The following ODAD2 variants were observed in gnomAD, a reference collection of about 807,000 sequenced individuals.
ODAD2 encodes the protein outer dynein arm docking complex subunit 2.
In ODAD2, 89 loss-of-function variants were observed where a neutral mutation model predicts 106.8. The observed-to-expected ratio is 0.83, with a 90% CI of 0.70 to 0.99. The LOEUF is 0.99. Among genes scored for constraint, ODAD2 ranks in the 50% least tolerant of loss-of-function variants. The pLI, the probability that ODAD2 is intolerant of heterozygous loss-of-function variation, is 0.00. For synonymous variants in ODAD2, 404 were observed against 436.2 expected (o/e 0.93, Z 0.92); for missense variants, 1,168 against 1,238.5 (o/e 0.94, Z 0.85).
intron 16 of ODAD2, among the ~76,000 whole-genome samples, chr10:27,909,271 C>T (rs147760669): frequency 6.6e-6 from 1 of 152,034 alleles, no homozygotes; most frequent in Non-Finnish European, 1.5e-5. Flanking sequence ...ACAGAAATAA[C>T]TTGTCATTGC....
chr10:27,976,181 G>A (rs1471791690), intron 7 of ODAD2, among the ~76,000 whole-genome samples: 1 of 151,934 alleles, frequency 6.6e-6, no homozygotes, highest in Non-Finnish European at 1.5e-5. Flanking sequence ...AGATTTCCCT[G>A]TAATATCAGG....
chr10:27,905,867 C>G (rs1399358271), intron 17 of ODAD2, among the ~76,000 whole-genome samples: 1 of 152,108 alleles, frequency 6.6e-6, no homozygotes, highest in Non-Finnish European at 1.5e-5. Flanking sequence ...AAAATTAACT[C>G]AAGATGGATT....
chr10:27,825,688 A>AACAGGT (rs1301780204), intron 19 of ODAD2, among the ~76,000 whole-genome samples: 2 of 152,246 alleles, frequency 1.3e-5, no homozygotes, highest in African/African-American at 4.8e-5. Context: ...GGATAGGGAC[A>AACAGGT]ACAGGTACAG....
chr10:27,951,186 T>C (rs2132706084), intron 10 of ODAD2, among the ~76,000 whole-genome samples: 1 of 152,324 alleles, frequency 6.6e-6, no homozygotes, highest in East Asian at 1.9e-4. Flanking sequence ...AATTGCAGTT[T>C]ATCCAAAAAT....
intron 12 of ODAD2, among the ~76,000 whole-genome samples, chr10:27,941,596 G>GTTTTTT (rs371752746): frequency 0.022 from 2,514 of 114,808 alleles, 125 homozygotes; most frequent in East Asian, 0.13. Flanking sequence ...CCAGCATCCA[G>GTTTTTT]TTTTTTTTTT....
At chr10:27,841,842 C>G (rs990025008) in intron 19 of ODAD2, among the ~76,000 whole-genome samples, 2 of 152,094 alleles carry the variant, frequency 1.3e-5, no homozygotes, top group Non-Finnish European at 2.9e-5. Context: ...GCAGCCTCGA[C>G]CTCCCAGGCT....
At position 27,909,755 on chromosome 10, in the gene ODAD2, T is replaced by A. The variant is rs184324544; in HGVS notation, c.2496-1978A>T. Reference sequence around the variant, plus strand: ...GTCGCTTGAACCCAGGAGGTGGAGGTTGCAGTGAGTCGAGATTGCACCACT... The same window carrying A: ...GTCGCTTGAACCCAGGAGGTGGAGGATGCAGTGAGTCGAGATTGCACCACT... On this transcript the variant is annotated intron_variant, in intron 16 of 19. Coordinates refer to ENST00000305242, the MANE Select transcript of ODAD2 (RefSeq NM_018076.5). 2.5e-3 allele frequency among the ~76,000 whole-genome samples: 355 copies of A among 141,982 alleles called. 9 individuals are homozygous for A. Among genetic ancestry groups the A allele is most frequent in the Admixed American group, 0.022 (302 of 13,536 alleles). 93.1% of individuals were successfully genotyped at this position (141,982 alleles called of 152,430 possible).
intron 17 of ODAD2, among the ~76,000 whole-genome samples, chr10:27,888,899 G>A (rs1253653735): frequency 6.6e-6 from 1 of 152,108 alleles, no homozygotes; most frequent in African/African-American, 2.4e-5. Flanking sequence ...TACACCATAT[G>A]CAAAAATGTA....
chr10:27,933,685 T>C (rs1410493586), intron 16 of ODAD2, among the ~76,000 whole-genome samples: 4 of 152,198 alleles, frequency 2.6e-5, no homozygotes, highest in Admixed American at 2.6e-4. Flanking sequence ...AAGAAATACA[T>C]GCAGCCATTT....
At chr10:27,876,825 T>C (rs1424854245) in intron 17 of ODAD2, among the ~76,000 whole-genome samples, 1 of 152,244 alleles carries the variant, frequency 6.6e-6, no homozygotes, top group Non-Finnish European at 1.5e-5. Context: ...GCATGTTCCC[T>C]GATGAACTTC....
At chr10:27,917,305 A>C (rs902107560) in intron 16 of ODAD2, among the ~76,000 whole-genome samples, 10 of 152,168 alleles carry the variant, frequency 6.6e-5, no homozygotes, top group African/African-American at 2.2e-4. Context: ...TCACACAAAA[A>C]ATAGAAACTA....
At position 27,898,922 on chromosome 10, in the gene ODAD2, C is replaced by T. The variant is rs568116720; in HGVS notation, c.2610+8741G>A. 3.3e-5 allele frequency among the ~76,000 whole-genome samples: 5 copies of T among 152,100 alleles called. No individual in the cohort carries two copies. The South Asian group carries it at 6.2e-4, about 19-fold the overall frequency. ...TATTCCAAACACACATTACAATTCG[C>T]TTTTTAAAAAATATTATATTTAGGA... is the stretch of plus-strand genomic sequence containing the variant. On this transcript the variant is annotated intron_variant, in intron 17 of 19. Transcript: ENST00000305242.
intron 17 of ODAD2, among the ~76,000 whole-genome samples, chr10:27,896,517 T>A (rs1842864594): frequency 6.6e-6 from 1 of 152,198 alleles, no homozygotes; most frequent in Non-Finnish European, 1.5e-5. Flanking sequence ...GTTGCCTGGA[T>A]AAAATAAGGA....
At chr10:27,924,012 AAGAAAGAAAGAAGGAAAG>A (rs1845025976) in intron 16 of ODAD2, among the ~76,000 whole-genome samples, 9 of 113,204 alleles carry the variant, frequency 8.0e-5, no homozygotes, top group African/African-American at 1.6e-4. Context: ...GAAAGAAAGA[AAGAAAGAAAGAAGGAAAG>A]AGAAAGAAAG....
intron 7 of ODAD2, among the ~76,000 whole-genome samples, chr10:27,975,154 T>A (rs1849112337): frequency 6.6e-6 from 1 of 152,138 alleles, no homozygotes; most frequent in Non-Finnish European, 1.5e-5. Context: ...GGGCTGAGGA[T>A]CCCTTGTTTT....
chr10:27,952,927 T>C (rs879595819), intron 10 of ODAD2, among the ~76,000 whole-genome samples: 4 of 152,174 alleles, frequency 2.6e-5, no homozygotes, highest in Non-Finnish European at 5.9e-5. Context: ...AAATTGAAAA[T>C]TTTTTAATGC....
intron 2 of ODAD2, 96 bp from the exon 3 acceptor site, chr10:27,987,639 A>C: frequency 1.3e-6 from 1 of 774,770 alleles, no homozygotes; most frequent in Non-Finnish European, 1.9e-6. Flanking sequence ...CCTATATCTC[A>C]TTATAAAATA....
At position 27,859,360 on chromosome 10, in the gene ODAD2, C is replaced by T. The variant is rs576686656; in HGVS notation, c.3021+1265G>A. 2.3e-4 allele frequency among the ~76,000 whole-genome samples: 35 copies of T among 152,256 alleles called. No homozygotes were observed. In the South Asian group the frequency reaches 7.0e-3, roughly 31 times the overall value. On this transcript the variant is annotated intron_variant, in intron 19 of 19. Transcript: ENST00000305242. ...TAATGGAAAGGTTGACACATTCAAA[C>T]ATATATTGAGTTTAATTTCAGAAAA...
intron 17 of ODAD2, among the ~76,000 whole-genome samples, chr10:27,885,409 C>T (rs1358520075): frequency 7.1e-6 from 1 of 140,850 alleles, no homozygotes; most frequent in African/African-American, 2.7e-5. Context: ...ACGTGGGAGG[C>T]TGAGGCAGGA....
Sources: gnomAD v4.1 joint callset for allele counts (sites outside exome capture counted in the v4.1 genomes callset) on GRCh38, gnomAD v4.1.1 for gene constraint, MANE v1.5 for transcripts, NCBI Gene and HGNC (gene_info 2026-07-23, HGNC 2026-07-21) for gene names.